The following ANK3 variants were observed in gnomAD, a reference collection of about 807,000 sequenced individuals.
ANK3 encodes the protein ankyrin 3.
In ANK3, 57 loss-of-function variants were observed where a neutral mutation model predicts 370.9. The observed-to-expected ratio is 0.15, with a 90% confidence interval of 0.12 to 0.19. ANK3 has a LOEUF of 0.19. ANK3 is among the 10% of genes least tolerant of loss of function. ANK3 has a pLI of 1.00. For missense variants in ANK3, 4,439 were observed against 5,302.1 expected, an observed-to-expected ratio of 0.84 and a Z score of 5.06; for synonymous variants, 1,929 against 1,946.3, an observed-to-expected ratio of 0.99 and a Z score of 0.23.
In ANK3 at chr10:60,075,442, T is replaced by C; in HGVS notation, c.5439A>G (p.Ser1813=). 1 of 1,612,904 alleles carries C rather than the reference T, an allele frequency of 6.2e-7. No homozygotes were observed. The change falls in exon 37 of 44, where the codon TCA becomes TCG. Residue 1813 remains serine, a synonymous_variant. Coordinates refer to ENST00000280772, the MANE Select transcript of ANK3 (RefSeq NM_020987.5). ...CTGTTATAATTGATGAAGTTACAGA[T>C]GAGGTAGTTGCAGATATTGACGACC... ...SLGSSISATT[S]SVTSSIITVP... is the part of the protein sequence containing the mutation.
intron 8 of ANK3, among the ~76,000 whole-genome samples, chr10:60,227,003 C>T (rs1049362741): frequency 6.6e-6 from 1 of 151,566 alleles, no homozygotes; most frequent in Non-Finnish European, 1.5e-5. Flanking sequence ...GCTGTTCTTT[C>T]CTTTATGTAG....
At chr10:60,356,326 C>A (rs868022434) in intron 1 of ANK3, among the ~76,000 whole-genome samples, 7 of 152,202 alleles carry the variant, frequency 4.6e-5, no homozygotes, top group Non-Finnish European at 8.8e-5. Context: ...GTGCATGTAT[C>A]TATATACTGG....
At position 60,732,491 on chromosome 10, in the gene ANK3, C is replaced by T. The variant is rs138362271; in HGVS notation, c.57+772G>A. Among the ~76,000 whole-genome samples, 1,416 of 152,204 alleles carry T rather than the reference C, an allele frequency of 9.3e-3. 26 individuals are homozygous for T. Among genetic ancestry groups the T allele is most frequent in the African/African-American group, 0.032 (1,335 of 41,530 alleles). On this transcript the variant is annotated intron_variant, in intron 1 of 43. Coordinates refer to the ANK3 transcript ENST00000373827. ...GCAGCGGTTTTGCTCGTCAGGCAAC[C>T]GATTTCTACTTCTTGTTTTTGTTTG...
At chr10:60,244,637 T>G (rs1302568512) in intron 7 of ANK3, among the ~76,000 whole-genome samples, 3 of 152,198 alleles carry the variant, frequency 2.0e-5, no homozygotes, top group African/African-American at 7.2e-5. Flanking sequence ...CTCATTCTAT[T>G]TTCTTATACT....
chr10:60,645,888 T>C (rs1452979323), intron 1 of ANK3, among the ~76,000 whole-genome samples: 1 of 152,232 alleles, frequency 6.6e-6, no homozygotes, highest in Non-Finnish European at 1.5e-5. Flanking sequence ...GTCTCCCTTC[T>C]TGCGGAGCTT....
upstream of ANK3, among the ~76,000 whole-genome samples, chr10:60,394,316 T>C (rs1437418302): frequency 1.3e-5 from 2 of 151,972 alleles, no homozygotes; most frequent in Non-Finnish European, 2.9e-5. Context: ...TTTTTCACTT[T>C]TAGATGAGAC....
intron 1 of ANK3, among the ~76,000 whole-genome samples, chr10:60,344,369 A>G (rs1020469333): frequency 1.3e-4 from 20 of 152,242 alleles, no homozygotes; most frequent in African/African-American, 4.8e-4. Flanking sequence ...AAACTGAAGA[A>G]TAAAACAATA....
chr10:60,052,671 G>A (rs1380866664), intron 42 of ANK3, among the ~76,000 whole-genome samples: 1 of 152,110 alleles, frequency 6.6e-6, no homozygotes, highest in Non-Finnish European at 1.5e-5. Context: ...AGATGCCATG[G>A]GGAAGAGTAT....
intron 1 of ANK3, among the ~76,000 whole-genome samples, chr10:60,702,571 T>C (rs1434572770): frequency 6.6e-6 from 1 of 152,116 alleles, no homozygotes; most frequent in Non-Finnish European, 1.5e-5. Context: ...AAAATACAGA[T>C]GTAAGATAGA....
chr10:60,109,494 T>G (rs370018865), intron 26 of ANK3, among the ~76,000 whole-genome samples: 1 of 152,322 alleles, frequency 6.6e-6, no homozygotes, highest in African/African-American at 2.4e-5. Context: ...CAGTATGTCT[T>G]GATATTTACG....
At chr10:60,639,512 C>T (rs1444031099) in intron 1 of ANK3, among the ~76,000 whole-genome samples, 1 of 151,236 alleles carries the variant, frequency 6.6e-6, no homozygotes, top group East Asian at 1.9e-4. Flanking sequence ...GTAAAAATAA[C>T]AATTACATAT....
intron 1 of ANK3, among the ~76,000 whole-genome samples, chr10:60,658,235 T>A (rs898044096): frequency 1.3e-5 from 2 of 151,794 alleles, no homozygotes; most frequent in Non-Finnish European, 2.9e-5. Flanking sequence ...AAAAAAAATG[T>A]CTCATCCTTT....
chr10:60,360,408 A>C (rs572304737), intron 1 of ANK3, among the ~76,000 whole-genome samples: 72 of 152,212 alleles, frequency 4.7e-4, no homozygotes, highest in Non-Finnish European at 8.7e-4. Context: ...TGAAGAGAAA[A>C]ATAAAGAGTA....
At chr10:60,264,874 T>A (rs1398193861) in intron 5 of ANK3, among the ~76,000 whole-genome samples, 1 of 152,168 alleles carries the variant, frequency 6.6e-6, no homozygotes, top group African/African-American at 2.4e-5. Flanking sequence ...TCTCTAGAGC[T>A]AAGAGAAAGA....
chr10:60,531,525 T>C (rs968614672), intron 2 of ANK3, among the ~76,000 whole-genome samples: 2 of 152,122 alleles, frequency 1.3e-5, no homozygotes, highest in African/African-American at 4.8e-5. Context: ...TTATTTTTCT[T>C]GTTTTTTGAA....
At chr10:60,235,452 T>C (rs1279310016) in intron 7 of ANK3, among the ~76,000 whole-genome samples, 2 of 152,094 alleles carry the variant, frequency 1.3e-5, no homozygotes. Flanking sequence ...TAGGCTACCA[T>C]AGTTATTCTT....
At chr10:60,226,563 ACATAG>A (rs2097162289) in intron 8 of ANK3, among the ~76,000 whole-genome samples, 1 of 30,112 alleles carries the variant, frequency 3.3e-5, no homozygotes, top group Non-Finnish European at 6.2e-5. Flanking sequence ...TAGTATATAT[ACATAG>A]TATATGTATA....
chr10:60,170,564 T>C (rs2095757139), intron 21 of ANK3, among the ~76,000 whole-genome samples: 1 of 152,238 alleles, frequency 6.6e-6, no homozygotes, highest in South Asian at 2.1e-4. Flanking sequence ...TGAACACTTC[T>C]TTTGGTGGAA....
intron 18 of ANK3, 128 bp downstream of exon 18, chr10:60,181,197 TAAAC>T: frequency 1.1e-6 from 1 of 902,396 alleles, no homozygotes; most frequent in South Asian, 1.6e-5. Context: ...CTTGCATAAA[TAAAC>T]ATTTAAAATA....
Sources: allele counts gnomAD v4.1 joint callset (sites outside exome capture counted in the v4.1 genomes callset), GRCh38; gene constraint gnomAD v4.1.1; transcripts MANE v1.5; gene names NCBI Gene and HGNC (gene_info 2026-07-23, HGNC 2026-07-21).